The following DACH2 variants were observed in gnomAD, a reference collection of about 807,000 sequenced individuals.
DACH2 encodes the protein dachshund family transcription factor 2.
A neutral mutation model predicts 35.8 loss-of-function variants in DACH2; 17 were observed. That is an observed-to-expected ratio of 0.48 (90% CI 0.33 to 0.71). DACH2 has a LOEUF of 0.71. Among genes scored for constraint, DACH2 ranks in the 30% least tolerant of loss-of-function variants. The pLI, the probability that DACH2 is intolerant of heterozygous loss-of-function variation, is 0.02. For missense variants in DACH2, 469 were observed against 472.7 expected (o/e 0.99, Z 0.07); for synonymous variants, 195 against 177.3 (o/e 1.10, Z -0.79).
chrX:86,530,384 C>T (rs1191532682), intron 3 of DACH2, among the ~76,000 whole-genome samples: 1 of 111,701 alleles, frequency 9.0e-6, no homozygotes, highest in Non-Finnish European at 1.9e-5. Flanking sequence ...GAGGAGGAAC[C>T]TGGTAGGAGA....
intron 2 of DACH2, among the ~76,000 whole-genome samples, chrX:86,380,628 T>C (rs1226015658): frequency 2.7e-5 from 3 of 110,468 alleles, no homozygotes; most frequent in Non-Finnish European, 5.7e-5. Flanking sequence ...CACAGTTTAA[T>C]TTTAAAAATT....
In DACH2 at chrX:86,187,711, C is replaced by G. The variant is rs73236833; in HGVS notation, c.488+38603C>G. Among the ~76,000 whole-genome samples the G allele has an allele frequency of 7.7e-4, 86 of 111,497 alleles. 1 individual carries two copies. The highest frequency in any genetic ancestry group is 7.2e-3 in the South Asian group (19 of 2,651). ...AAAGCGCTGAGATTACAGGCCTGAG[C>G]CATCAAGCCCAGCCCTGACTTAGAT... On this transcript the variant is annotated intron_variant, in intron 1 of 11. Coordinates refer to ENST00000373125, the MANE Select transcript of DACH2 (RefSeq NM_053281.3).
At chrX:86,743,649 G>A (rs868310048) in intron 7 of DACH2, among the ~76,000 whole-genome samples, 1 of 111,305 alleles carries the variant, frequency 9.0e-6, no homozygotes, top group Non-Finnish European at 1.9e-5. Context: ...GAGCATTTTA[G>A]TTGGAATTTG....
chrX:86,666,776 T>C (rs1469854482), intron 4 of DACH2, among the ~76,000 whole-genome samples: 1 of 111,904 alleles, frequency 8.9e-6, no homozygotes, highest in Non-Finnish European at 1.9e-5. Context: ...ATAGGTAAGA[T>C]GCCCATTTAG....
chrX:86,680,573 A>G (rs763672103), intron 4 of DACH2, among the ~76,000 whole-genome samples: 9 of 110,016 alleles, frequency 8.2e-5, no homozygotes, highest in Middle Eastern at 9.7e-3. Flanking sequence ...TATACTCATC[A>G]TTGTTTTATT....
At chrX:86,765,033 A>C (rs1343420708) in intron 7 of DACH2, among the ~76,000 whole-genome samples, 1 of 111,355 alleles carries the variant, frequency 9.0e-6, no homozygotes, top group African/African-American at 3.3e-5. Context: ...TCTTCTTTTG[A>C]GAAGTGTCTG....
At chrX:86,240,792 T>A (rs1473219583) in intron 1 of DACH2, among the ~76,000 whole-genome samples, 1 of 110,374 alleles carries the variant, frequency 9.1e-6, no homozygotes, top group Non-Finnish European at 1.9e-5. Context: ...GCTGTTCTCA[T>A]GATAATTAAG....
chrX:86,713,495 C>T (rs982518525), intron 5 of DACH2, among the ~76,000 whole-genome samples: 12 of 111,684 alleles, frequency 1.1e-4, no homozygotes, highest in Non-Finnish European at 2.3e-4. Flanking sequence ...AACATAAATG[C>T]TGTCCACCAT....
At chrX:86,191,605 T>C in intron 1 of DACH2, among the ~76,000 whole-genome samples, 1 of 111,210 alleles carries the variant, frequency 9.0e-6, no homozygotes, top group Non-Finnish European at 1.9e-5. Flanking sequence ...CAAATGTGCA[T>C]GTGTACCCCT....
At chrX:86,747,745 G>T (rs1049495882) in intron 7 of DACH2, among the ~76,000 whole-genome samples, 5 of 111,500 alleles carry the variant, frequency 4.5e-5, no homozygotes, top group African/African-American at 1.6e-4. Flanking sequence ...CTGAAGGTTG[G>T]GGTGGCTGTG....
intron 2 of DACH2, among the ~76,000 whole-genome samples, chrX:86,487,280 C>T (rs2038031973): frequency 9.0e-6 from 1 of 111,731 alleles, no homozygotes; most frequent in African/African-American, 3.2e-5. Context: ...CATTTCAACG[C>T]TAGCAAAAGC....
rs749689617 is a variant in DACH2 at position 86,323,983 on chromosome X, C to T, written c.489-52841C>T. Among the ~76,000 whole-genome samples the T allele has an allele frequency of 1.9e-4, 21 of 111,776 alleles. 1 individual carries two copies. The East Asian group carries it at 2.5e-3, about 13-fold the overall frequency. On this transcript the variant is annotated intron_variant, in intron 1 of 11. Coordinates refer to ENST00000373125, the MANE Select transcript of DACH2 (RefSeq NM_053281.3). ...TGAAAGTAAAGAGTCTGCTCCTTTACGCACTTTTCTGATGAATTTGCCTTC... is the reference window on the plus strand; with the variant it reads ...TGAAAGTAAAGAGTCTGCTCCTTTATGCACTTTTCTGATGAATTTGCCTTC...
At chrX:86,304,682 G>C in intron 1 of DACH2, 1 of 170,284 alleles carries the variant, frequency 5.9e-6, no homozygotes, top group Non-Finnish European at 1.3e-5. Flanking sequence ...TAGGATCCAG[G>C]CATCCACAAG....
intron 3 of DACH2, among the ~76,000 whole-genome samples, chrX:86,534,259 G>A (rs1487855499): frequency 9.0e-6 from 1 of 111,368 alleles, no homozygotes; most frequent in African/African-American, 3.3e-5. Flanking sequence ...ACAGTTTTGT[G>A]GAGTTATAGG....
At chrX:86,482,488 A>C (rs1361410975) in intron 2 of DACH2, among the ~76,000 whole-genome samples, 1 of 110,559 alleles carries the variant, frequency 9.0e-6, no homozygotes, top group Non-Finnish European at 1.9e-5. Flanking sequence ...ATAATGCCGC[A>C]ATAAACATAC....
At chrX:86,261,428 T>C (rs933217967) in intron 1 of DACH2, among the ~76,000 whole-genome samples, 4 of 112,015 alleles carry the variant, frequency 3.6e-5, no homozygotes, top group Non-Finnish European at 7.5e-5. Flanking sequence ...TTGGTTCTTC[T>C]TCACCTGATG....
chrX:86,197,877 A>G (rs2032036398), intron 1 of DACH2, among the ~76,000 whole-genome samples: 1 of 111,884 alleles, frequency 8.9e-6, no homozygotes, highest in Non-Finnish European at 1.9e-5. Context: ...TAACAAAGAT[A>G]TTCAGGACCT....
chrX:86,781,904 G>T (rs2042092656), intron 7 of DACH2, among the ~76,000 whole-genome samples: 1 of 111,846 alleles, frequency 8.9e-6, no homozygotes, highest in Non-Finnish European at 1.9e-5. Context: ...ATCCTTGTTT[G>T]CAAATGATAT....
chrX:86,554,778 A>G (rs764561412), intron 3 of DACH2, among the ~76,000 whole-genome samples: 14 of 111,559 alleles, frequency 1.3e-4, no homozygotes, highest in Non-Finnish European at 2.3e-4. Context: ...TGCCCTGCTT[A>G]TTTCTTACCT....
Sources: allele counts gnomAD v4.1 joint callset (sites outside exome capture counted in the v4.1 genomes callset), GRCh38; gene constraint gnomAD v4.1.1; transcripts MANE v1.5; gene names NCBI Gene and HGNC (gene_info 2026-07-23, HGNC 2026-07-21).